SUSD6: variants seen among roughly 807,000 people sequenced by gnomAD.
SUSD6 encodes the protein sushi domain containing 6, also known as sushi domain-containing protein 6.
SUSD6 carries 16 observed loss-of-function variants against 28.4 expected under a neutral mutation model. The ratio of observed to expected loss-of-function variants is 0.56; its 90% CI spans 0.38 to 0.86. The LOEUF is 0.86. Among genes scored for constraint, SUSD6 ranks in the 40% least tolerant of loss-of-function variants. The pLI is 0.00. For synonymous variants in SUSD6, 147 were observed against 159.6 expected, an observed-to-expected ratio of 0.92 and a Z score of 0.59; for missense variants, 341 against 384.2, an observed-to-expected ratio of 0.89 and a Z score of 0.94.
At chr14:69,641,293 A>G (rs1036527592) in intron 1 of SUSD6, among the ~76,000 whole-genome samples, 3 of 149,668 alleles carry the variant, frequency 2.0e-5, no homozygotes, top group South Asian at 2.1e-4. Flanking sequence ...CTGTTTGTGC[A>G]TAATTTTCAT....
chr14:69,700,543 C>T (rs1886299055), intron 2 of SUSD6, among the ~76,000 whole-genome samples: 1 of 152,170 alleles, frequency 6.6e-6, no homozygotes, highest in Non-Finnish European at 1.5e-5. Flanking sequence ...TTACTCAACC[C>T]AGCCAAACTG....
At chr14:69,616,682 T>C (rs746269182) in intron 1 of SUSD6, among the ~76,000 whole-genome samples, 9 of 152,164 alleles carry the variant, frequency 5.9e-5, no homozygotes, top group Non-Finnish European at 1.2e-4. Flanking sequence ...TACAGATAGC[T>C]TGGAAAATAA....
At chr14:69,634,572 T>A (rs1885237028) in intron 1 of SUSD6, among the ~76,000 whole-genome samples, 1 of 152,218 alleles carries the variant, frequency 6.6e-6, no homozygotes, top group Admixed American at 6.5e-5. Flanking sequence ...GTTGGTAACA[T>A]CTGTGGGCTA....
rs1425774621 is a variant in SUSD6, at chr14:69,712,671, ACC to A, written c.*1694_*1695del. On this transcript the variant is annotated 3_prime_UTR_variant, in exon 6 of 6. Coordinates refer to ENST00000342745, the MANE Select transcript of SUSD6 (RefSeq NM_014734.4). ...GGGAGTGGTCTTCTCCCAGCCTTTT[ACC>A]CTCTTGCCTCCTGCCTCCGCGCTTA... is the stretch of plus-strand genomic sequence containing the variant. The A allele has an allele frequency of 1.3e-5, 2 of 152,034 alleles. No individual in the cohort carries two copies. The highest frequency in any genetic ancestry group is 4.8e-5 in the African/African-American group (2 of 41,252). The allele number at this position is 152,034 out of a possible 1,614,324, so 9.4% of individuals were successfully genotyped here.
chr14:69,693,980 C>T (rs1409247243), intron 2 of SUSD6, among the ~76,000 whole-genome samples: 1 of 152,228 alleles, frequency 6.6e-6, no homozygotes, highest in Non-Finnish European at 1.5e-5. Flanking sequence ...CATTGTGGCT[C>T]ATTGCAGTTG....
intron 2 of SUSD6, among the ~76,000 whole-genome samples, chr14:69,669,560 A>T (rs919584488): frequency 1.4e-4 from 21 of 152,306 alleles, no homozygotes; most frequent in African/African-American, 7.2e-5. Context: ...CTGCCTTTGC[A>T]GCCACAGCTT....
At chr14:69,613,889 C>T (rs1481728767) in intron 1 of SUSD6, among the ~76,000 whole-genome samples, 1 of 152,118 alleles carries the variant, frequency 6.6e-6, no homozygotes, top group Non-Finnish European at 1.5e-5. Flanking sequence ...GTCAAATGGG[C>T]AAGTTTGACT....
chr14:69,649,488 A>G (rs1377311605), intron 1 of SUSD6, among the ~76,000 whole-genome samples: 1 of 152,210 alleles, frequency 6.6e-6, no homozygotes, highest in East Asian at 1.9e-4. Flanking sequence ...CCAAAATTTC[A>G]GGATTTATAT....
At chr14:69,685,082 G>A (rs745953029) in intron 2 of SUSD6, among the ~76,000 whole-genome samples, 1 of 152,190 alleles carries the variant, frequency 6.6e-6, no homozygotes, top group Non-Finnish European at 1.5e-5. Flanking sequence ...ATTTTTCTCT[G>A]TCCTTCTAAG....
intron 5 of SUSD6, among the ~76,000 whole-genome samples, chr14:69,709,880 C>T (rs1447229531): frequency 6.6e-6 from 1 of 152,186 alleles, no homozygotes; most frequent in East Asian, 1.9e-4. Context: ...CCTAGATGCC[C>T]CTTTCTATAG....
rs574352794 is a variant in SUSD6, at chr14:69,670,017, C to T, written c.121+11304C>T. 2.0e-5 allele frequency among the ~76,000 whole-genome samples: 3 copies of T among 152,298 alleles called. No individual in the cohort carries two copies. The South Asian group carries it at 6.2e-4, about 32-fold the overall frequency. On this transcript the variant is annotated intron_variant, in intron 2 of 5. Coordinates refer to ENST00000342745, the MANE Select transcript of SUSD6 (RefSeq NM_014734.4). ...TGTTCTGTACATCATGGTACATGAACGCTATAGACCTTGCTCCAAACCCTA... is the reference window on the plus strand; with the variant it reads ...TGTTCTGTACATCATGGTACATGAATGCTATAGACCTTGCTCCAAACCCTA...
intron 2 of SUSD6, among the ~76,000 whole-genome samples, chr14:69,671,841 C>T (rs1244893529): frequency 1.3e-5 from 2 of 152,114 alleles, no homozygotes; most frequent in Non-Finnish European, 2.9e-5. Context: ...GTTCTCAATA[C>T]CTTGTTGTTA....
intron 1 of SUSD6, among the ~76,000 whole-genome samples, chr14:69,652,072 A>G (rs1180184515): frequency 6.6e-6 from 1 of 152,170 alleles, no homozygotes; most frequent in Non-Finnish European, 1.5e-5. Flanking sequence ...CACCACTACT[A>G]CCATTATCCT....
Position 69,633,945 on chromosome 14 carries a change from G to A in SUSD6, c.-81+22117G>A, listed in dbSNP as rs191477930. 9.8e-5 allele frequency among the ~76,000 whole-genome samples: 15 copies of A among 152,334 alleles called. No individual in the cohort carries two copies. In the East Asian group the frequency reaches 1.2e-3, roughly 12 times the overall value. ...CCAGTAGGATTTTGGGTGGCCTGGAGCACAGCAGCAGCTGGAGGCTGGGGA... is the reference window on the plus strand; with the variant it reads ...CCAGTAGGATTTTGGGTGGCCTGGAACACAGCAGCAGCTGGAGGCTGGGGA... On this transcript the variant is annotated intron_variant, in intron 1 of 5. Transcript: ENST00000342745.
chr14:69,627,737 T>C (rs1001916925), intron 1 of SUSD6, among the ~76,000 whole-genome samples: 1 of 152,172 alleles, frequency 6.6e-6, no homozygotes, highest in Non-Finnish European at 1.5e-5. Flanking sequence ...GTGCTGGGAT[T>C]ACAGGCGTGA....
At chr14:69,692,920 A>G (rs569633480) in intron 2 of SUSD6, among the ~76,000 whole-genome samples, 4 of 152,304 alleles carry the variant, frequency 2.6e-5, no homozygotes, top group African/African-American at 9.6e-5. Context: ...GGGAGAGCAA[A>G]CACATATTTT....
intron 1 of SUSD6, among the ~76,000 whole-genome samples, chr14:69,635,904 A>G (rs894916663): frequency 6.6e-5 from 10 of 152,264 alleles, no homozygotes; most frequent in Admixed American, 4.6e-4. Flanking sequence ...CATTTTGGAC[A>G]GGAAAGATTT....
chr14:69,684,155 C>T (rs1331884308), intron 2 of SUSD6, among the ~76,000 whole-genome samples: 1 of 152,206 alleles, frequency 6.6e-6, no homozygotes. Context: ...CAAGCCTCTG[C>T]TGGTCGTTGG....
intron 2 of SUSD6, among the ~76,000 whole-genome samples, chr14:69,659,952 TG>T (rs1885638898): frequency 6.6e-6 from 1 of 152,238 alleles, no homozygotes; most frequent in Non-Finnish European, 1.5e-5. Context: ...GGTAGGCCTC[TG>T]GGTGGTGTGC....
Sources: gnomAD v4.1 joint callset for allele counts (sites outside exome capture counted in the v4.1 genomes callset) on GRCh38, gnomAD v4.1.1 for gene constraint, MANE v1.5 for transcripts, NCBI Gene and HGNC (gene_info 2026-07-23, HGNC 2026-07-21) for gene names.